Variants in NCOA4 observed in about 807,000 individuals in gnomAD.
NCOA4 encodes nuclear receptor coactivator 4.
NCOA4 carries 31 observed loss-of-function variants against 69.5 expected under a neutral mutation model. The ratio of observed to expected loss-of-function variants is 0.45; its 90% CI spans 0.34 to 0.60. The LOEUF is 0.60. Among genes scored for constraint, NCOA4 ranks in the 20% least tolerant of loss-of-function variants. The probability of loss-of-function intolerance (pLI) is 0.02; values close to 1 mark genes in which losing one functional copy is unlikely to be tolerated. For synonymous variants in NCOA4, 228 were observed against 252.4 expected (o/e 0.90, Z 0.92); for missense variants, 600 against 719.2 (o/e 0.83, Z 1.90).
At position 46,005,442 on chromosome 10, in the gene NCOA4, G is replaced by GTC. The variant is rs1838757026; in HGVS notation, c.*1149_*1150insGA. On this transcript the variant is annotated 3_prime_UTR_variant, in exon 10 of 10. Coordinates refer to ENST00000581486, the MANE Select transcript of NCOA4 (RefSeq NM_001145263.2). ...AGTATTTCCGGTAAGAGGCAGTTAA[G>GTC]AAGCTTAATAGTTTCAAAGTCTGGA... The GTC allele has an allele frequency of 1.9e-4, 41 of 219,704 alleles. 1 individual carries two copies. Among genetic ancestry groups the GTC allele is most frequent in the South Asian group, 1.7e-3 (9 of 5,428 alleles). 13.6% of individuals were successfully genotyped at this position (219,704 alleles called of 1,614,324 possible). A position where few individuals can be genotyped will look rare whatever the true frequency, so the allele number is the denominator to read the frequency against.
chr10:46,013,545 T>G lies in NCOA4; in HGVS notation c.570+5A>C. 6.2e-7 allele frequency: 1 copy of G among 1,600,924 alleles called. No individual in the cohort carries two copies. The highest frequency in any genetic ancestry group is 1.1e-5 in the South Asian group (1 of 90,220). On this transcript the variant is annotated splice_donor_5th_base_variant and intron_variant, in intron 6 of 9. Transcript: ENST00000581486. ...TCAATTACCAAAAACAAAATGATATTTTACCTGCTCTGGCATGGAGATACA... is the reference window on the plus strand; with the variant it reads ...TCAATTACCAAAAACAAAATGATATGTTACCTGCTCTGGCATGGAGATACA...
rs148075416 is a variant in NCOA4, at chr10:46,007,806, G to C, written c.1840-1209C>G. Among the ~76,000 whole-genome samples, 719 of 152,090 alleles carry C rather than the reference G, an allele frequency of 4.7e-3. 5 individuals are homozygous for C. The highest frequency in any genetic ancestry group is 0.019 in the East Asian group (98 of 5,164). On this transcript the variant is annotated intron_variant, in intron 9 of 9. Coordinates refer to ENST00000581486, the MANE Select transcript of NCOA4 (RefSeq NM_001145263.2). The stretch of plus-strand genomic sequence containing the variant: ...GTCTCTGTATGTTGCCCAGGCTGGT[G>C]TTAAACTCCTTGGCTCAAGCAATCT...
chr10:46,009,625 G>T (rs1372227192), intron 8 of NCOA4, 74 bp from the exon 9 acceptor site: 6 of 1,344,086 alleles, frequency 4.5e-6, no homozygotes, highest in South Asian at 4.2e-5. Flanking sequence ...TCCAAATAGG[G>T]TCTACAGAGA....
At position 46,012,865 on chromosome 10, in the gene NCOA4, A is replaced by C. The variant is rs1554922022; in HGVS notation, c.714+18T>G. The C allele has an allele frequency of 1.2e-6, 2 of 1,613,640 alleles. No individual in the cohort carries two copies. The highest frequency in any genetic ancestry group is 2.2e-5 in the South Asian group (2 of 91,056). On this transcript the variant is annotated intron_variant, in intron 7 of 9. Transcript: ENST00000581486. ...TACTGCTGTGTCTACTGTAGAAACA[A>C]TAAAAGCAGCAACAGACCTGACTGT... is the stretch of plus-strand genomic sequence containing the variant.
Position 46,006,504 on chromosome 10 carries a change from A to G in NCOA4, c.*88T>C. On this transcript the variant is annotated 3_prime_UTR_variant, in exon 10 of 10. Coordinates refer to ENST00000581486, the MANE Select transcript of NCOA4 (RefSeq NM_001145263.2). ...AGAACTAAGCTAATTGGTCAGACCC[A>G]GAAACACAAAGATTTGGCAAGCTGC... 8 of 1,501,750 alleles carry G rather than the reference A, an allele frequency of 5.3e-6. No homozygotes were observed. The South Asian group carries it at 7.9e-5, about 15-fold the overall frequency. 93.0% of individuals were successfully genotyped at this position (1,501,750 alleles called of 1,614,324 possible).
In NCOA4 at chr10:46,012,997, AG is replaced by A; in HGVS notation, c.599del (p.Pro200LeufsTer55). On this transcript the variant is annotated frameshift_variant, in exon 7 of 10. Transcript: ENST00000581486. LOFTEE classifies it high-confidence loss of function. ...QKSASGIVAV[P>X]FSEWLLGSKP... Reference sequence around the variant, plus strand: ...TGCTTCCAAGGAGCCATTCGCTGAAAGGGACAGCTACAATACCGGATGCTGA... The same window carrying A: ...TGCTTCCAAGGAGCCATTCGCTGAAAGGACAGCTACAATACCGGATGCTGA... 1 of 1,614,172 alleles carries A rather than the reference AG, an allele frequency of 6.2e-7. No individual in the cohort carries two copies. The highest frequency in any genetic ancestry group is 8.5e-7 in the Non-Finnish European group (1 of 1,179,996).
At position 46,011,011 on chromosome 10, in the gene NCOA4, A is replaced by T; in HGVS notation, c.910T>A (p.Trp304Arg). ...PDQDEMDLSD[W>R]LVTPQESHKL... is the part of the protein sequence containing the mutation. ...TGGGATTCCTGGGGAGTCACTAGCC[A>T]ATCTGATAGGTCCATCTCATCTTGA... The change falls in exon 8 of 10, where the codon TGG (tryptophan) becomes AGG (arginine). Residue 304 changes from tryptophan to arginine, a missense_variant. Coordinates refer to ENST00000581486, the MANE Select transcript of NCOA4 (RefSeq NM_001145263.2). 1 of 1,613,976 alleles carries T rather than the reference A, an allele frequency of 6.2e-7. No individual in the cohort carries two copies. The highest frequency in any genetic ancestry group is 8.5e-7 in the Non-Finnish European group (1 of 1,179,870).
chr10:46,011,307 G>A (rs1564921000), intron 7 of NCOA4, 101 bp from the exon 8 acceptor site: 17 of 1,232,124 alleles, frequency 1.4e-5, no homozygotes, highest in East Asian at 4.7e-5. Context: ...TCACTCTGTC[G>A]CCCAGGCTGG....
intron 7 of NCOA4, 74 bp from the exon 8 acceptor site, chr10:46,011,280 C>CT (rs1564920967): frequency 1.4e-6 from 2 of 1,455,246 alleles, no homozygotes; most frequent in Non-Finnish European, 9.3e-7. Context: ...TGCACTTTTT[C>CT]TTTTTTTGAG....
rs1839108778 is a variant in NCOA4 at position 46,010,042 on chromosome 10, G to A, written c.1698+181C>T. On this transcript the variant is annotated intron_variant, in intron 8 of 9. Coordinates refer to ENST00000581486, the MANE Select transcript of NCOA4 (RefSeq NM_001145263.2). ...CCAGGCATGGTGGTGCACACCTATG[G>A]TCCCAGCTACTCAGGAGGCTGTAGT... is the stretch of plus-strand genomic sequence containing the variant. 2.0e-5 allele frequency among the ~76,000 whole-genome samples: 3 copies of A among 152,176 alleles called. No individual in the cohort carries two copies. The South Asian group carries it at 6.2e-4, about 32-fold the overall frequency.
At chr10:46,008,226 A>G (rs1554920281) in intron 9 of NCOA4, among the ~76,000 whole-genome samples, 1 of 152,252 alleles carries the variant, frequency 6.6e-6, no homozygotes, top group South Asian at 2.1e-4. Context: ...GTATTATTTA[A>G]GAAATACATT....
chr10:46,021,040 G>GT (rs1420384905), intron 1 of NCOA4, among the ~76,000 whole-genome samples: 1 of 152,184 alleles, frequency 6.6e-6, no homozygotes, highest in African/African-American at 2.4e-5. Flanking sequence ...AAAACCTGGA[G>GT]TTTCCGCAAC....
At chr10:46,009,357 A>T in intron 9 of NCOA4, 54 bp downstream of exon 9, 2 of 1,575,312 alleles carry the variant, frequency 1.3e-6, no homozygotes, top group East Asian at 4.5e-5. Context: ...AAGACAAAAC[A>T]TTTATTTTAT....
intron 1 of NCOA4, among the ~76,000 whole-genome samples, chr10:46,026,026 CA>C (rs1453898726): frequency 6.6e-6 from 1 of 152,192 alleles, no homozygotes; most frequent in African/African-American, 2.4e-5. Context: ...CTAAATTCAA[CA>C]GAGGCCTAAG....
At chr10:46,027,712 C>A (rs1261204673) in intron 1 of NCOA4, among the ~76,000 whole-genome samples, 2 of 152,206 alleles carry the variant, frequency 1.3e-5, no homozygotes, top group Non-Finnish European at 1.5e-5. Flanking sequence ...GCCTTTGCAA[C>A]CTAACCAGTA....
At chr10:46,029,050 G>C (rs900723422) in intron 1 of NCOA4, among the ~76,000 whole-genome samples, 7 of 149,190 alleles carry the variant, frequency 4.7e-5, no homozygotes, top group East Asian at 4.0e-4. Flanking sequence ...AAAAAAAAAG[G>C]GGGGGGTGAG....
intron 1 of NCOA4, chr10:46,022,314 T>G: frequency 4.9e-6 from 2 of 408,078 alleles, no homozygotes; most frequent in Admixed American, 6.5e-5. Flanking sequence ...AACTGAACAA[T>G]TTGGTTATCT....
At chr10:46,016,794 T>C in intron 1 of NCOA4, 100 bp from the exon 2 acceptor site, 1 of 792,394 alleles carries the variant, frequency 1.3e-6, no homozygotes, top group African/African-American at 1.8e-5. Context: ...CTCCCATTAC[T>C]AACTACTTAG....
At chr10:46,027,406 T>C in intron 1 of NCOA4, 1 of 1,549,804 alleles carries the variant, frequency 6.5e-7, no homozygotes, top group Non-Finnish European at 8.7e-7. Context: ...CTAACTGACA[T>C]GCATGGAGAT....
Sources: allele counts gnomAD v4.1 joint callset (sites outside exome capture counted in the v4.1 genomes callset), GRCh38; gene constraint gnomAD v4.1.1; transcripts MANE v1.5; gene names NCBI Gene and HGNC (gene_info 2026-07-23, HGNC 2026-07-21).